Variants in NME7 observed in about 807,000 individuals in gnomAD.
NME7 encodes nucleoside diphosphate kinase 7.
In NME7, 41 loss-of-function variants were observed where a neutral mutation model predicts 49.1. The ratio of observed to expected loss-of-function variants is 0.83; its 90% CI spans 0.65 to 1.08. The LOEUF (loss-of-function observed/expected upper bound fraction) is 1.08. NME7 is among the 50% of genes least tolerant of loss of function. The probability of loss-of-function intolerance (pLI) is 0.00; values close to 1 mark genes in which losing one functional copy is unlikely to be tolerated. For synonymous variants in NME7, 139 were observed against 150.6 expected (o/e 0.92, Z 0.56); for missense variants, 423 against 463.4 (o/e 0.91, Z 0.80).
chr1:169,282,295 T>C (rs1650053583), intron 7 of NME7, among the ~76,000 whole-genome samples: 2 of 152,210 alleles, frequency 1.3e-5, no homozygotes, highest in South Asian at 2.1e-4. Flanking sequence ...AGTGGTGATA[T>C]CCTCTATATC....
At chr1:169,335,069 C>T (rs749013146) in intron 1 of NME7, among the ~76,000 whole-genome samples, 12 of 151,934 alleles carry the variant, frequency 7.9e-5, no homozygotes, top group Non-Finnish European at 1.2e-4. Flanking sequence ...AAGGTGCTGG[C>T]GAGGCTGTGG....
At chr1:169,232,381 CATAAAT>C (rs1647664145) in intron 9 of NME7, among the ~76,000 whole-genome samples, 1 of 151,984 alleles carries the variant, frequency 6.6e-6, no homozygotes, top group Non-Finnish European at 1.5e-5. Flanking sequence ...AGGTGATAAA[CATAAAT>C]ATATTTTTTA....
chr1:169,355,979 C>G (rs184033518), intron 1 of NME7, among the ~76,000 whole-genome samples: 1 of 152,060 alleles, frequency 6.6e-6, no homozygotes, highest in African/African-American at 2.4e-5. Context: ...CTGTTTTTGA[C>G]CCATAATTCT....
At chr1:169,308,023 A>AT (rs1401221377) in intron 4 of NME7, among the ~76,000 whole-genome samples, 1 of 151,788 alleles carries the variant, frequency 6.6e-6, no homozygotes, top group Non-Finnish European at 1.5e-5. Flanking sequence ...CCATCTCAAA[A>AT]AAAAAAAAAA....
chr1:169,183,864 A>C (rs2101752306), intron 10 of NME7, among the ~76,000 whole-genome samples: 1 of 152,250 alleles, frequency 6.6e-6, no homozygotes, highest in East Asian at 1.9e-4. Context: ...TATCCTATTA[A>C]TGAGAACATT....
chr1:169,188,325 T>C (rs1660130149), intron 10 of NME7, among the ~76,000 whole-genome samples: 1 of 152,234 alleles, frequency 6.6e-6, no homozygotes, highest in African/African-American at 2.4e-5. Context: ...GGCAAGCAAC[T>C]GATCACACCT....
At chr1:169,251,826 T>C (rs1648636947) in intron 7 of NME7, among the ~76,000 whole-genome samples, 1 of 151,412 alleles carries the variant, frequency 6.6e-6, no homozygotes, top group Admixed American at 6.6e-5. Flanking sequence ...TTTTTTGTTC[T>C]TGCAACAGTT....
intron 7 of NME7, among the ~76,000 whole-genome samples, chr1:169,253,774 G>A (rs1035170721): frequency 2.6e-5 from 4 of 151,790 alleles, no homozygotes; most frequent in Non-Finnish European, 4.4e-5. Flanking sequence ...TAGCATAAAG[G>A]GTTGTTGAAT....
chr1:169,342,901 CAT>C (rs202210325), intron 1 of NME7, among the ~76,000 whole-genome samples: 8,803 of 87,458 alleles, frequency 0.1, 1,883 homozygotes, highest in South Asian at 0.15. Flanking sequence ...TATACAAGTA[CAT>C]ATATATAGTG....
chr1:169,354,873 ACAT>A (rs1328061851), intron 1 of NME7, among the ~76,000 whole-genome samples: 1 of 129,358 alleles, frequency 7.7e-6, no homozygotes, highest in African/African-American at 2.9e-5. Context: ...ATAATTATAA[ACAT>A]AATAATATAT....
intron 10 of NME7, among the ~76,000 whole-genome samples, chr1:169,178,820 CT>C (rs57619644): frequency 0.22 from 27,079 of 123,938 alleles, 2,017 homozygotes; most frequent in African/African-American, 0.33. Flanking sequence ...GAAACCTCTT[CT>C]TTTTTTTTTT....
chr1:169,367,025 T>C (rs1472943761), intron 1 of NME7, among the ~76,000 whole-genome samples: 2 of 152,136 alleles, frequency 1.3e-5, no homozygotes, highest in Non-Finnish European at 2.9e-5. Flanking sequence ...AAATAACCTA[T>C]AGGCTTATTT....
At chr1:169,269,085 A>G (rs1649408680) in intron 7 of NME7, among the ~76,000 whole-genome samples, 1 of 133,804 alleles carries the variant, frequency 7.5e-6, no homozygotes, top group East Asian at 2.0e-4. Flanking sequence ...CAGGGCCATT[A>G]AATGCAATCC....
intron 1 of NME7, among the ~76,000 whole-genome samples, chr1:169,345,622 G>A (rs1652926295): frequency 6.6e-6 from 1 of 152,078 alleles, no homozygotes; most frequent in Non-Finnish European, 1.5e-5. Context: ...TTGGTTTCTT[G>A]ATGTTAGAGT....
chr1:169,202,878 A>C (rs1173347914), intron 10 of NME7, among the ~76,000 whole-genome samples: 3 of 151,038 alleles, frequency 2.0e-5, no homozygotes, highest in Non-Finnish European at 3.0e-5. Flanking sequence ...ATGAATATTC[A>C]TGAAGTAATG....
intron 1 of NME7, among the ~76,000 whole-genome samples, chr1:169,351,855 C>A (rs1653187642): frequency 6.6e-6 from 1 of 151,852 alleles, no homozygotes; most frequent in Admixed American, 6.6e-5. Flanking sequence ...ACACATAAAA[C>A]CTACCAAGAT....
intron 10 of NME7, among the ~76,000 whole-genome samples, chr1:169,228,041 T>TAC (rs72257273): frequency 0.093 from 13,714 of 147,042 alleles, 1,355 homozygotes; most frequent in African/African-American, 0.26. Flanking sequence ...TATGTGTGTA[T>TAC]ACACACACAC....
At chr1:169,326,558 C>A (rs1431143149) in intron 1 of NME7, among the ~76,000 whole-genome samples, 1 of 152,120 alleles carries the variant, frequency 6.6e-6, no homozygotes, top group Non-Finnish European at 1.5e-5. Flanking sequence ...GACAGAGAAA[C>A]AGGTACAAAA....
In NME7 at chr1:169,242,627, T is replaced by C. The variant is rs183184757; in HGVS notation, c.755-4940A>G. ...AGTATACAGACAAGAAAGGCAGAAA[T>C]ATAACTGTCTCTATTTGTATATGAC... On this transcript the variant is annotated intron_variant, in intron 7 of 11. Coordinates refer to ENST00000367811, the MANE Select transcript of NME7 (RefSeq NM_013330.5). 3.3e-4 allele frequency among the ~76,000 whole-genome samples: 50 copies of C among 151,228 alleles called. No homozygotes were observed. In the East Asian group the frequency reaches 8.8e-3, roughly 27 times the overall value.
Sources: gnomAD v4.1 joint callset for allele counts (sites outside exome capture counted in the v4.1 genomes callset) on GRCh38, gnomAD v4.1.1 for gene constraint, MANE v1.5 for transcripts, NCBI Gene and HGNC (gene_info 2026-07-23, HGNC 2026-07-21) for gene names.